The following ZCWPW2 variants were observed in gnomAD, a reference collection of about 807,000 sequenced individuals.
ZCWPW2 encodes the protein zinc finger CW-type and PWWP domain containing 2.
A neutral mutation model predicts 46.6 loss-of-function variants in ZCWPW2; 45 were observed. That is an observed-to-expected ratio of 0.96 (90% CI 0.76 to 1.24). The LOEUF (loss-of-function observed/expected upper bound fraction) is 1.24, where lower values mean the gene tolerates loss of function less well. ZCWPW2 is among the 50% of genes most tolerant of loss of function. The pLI, the probability that ZCWPW2 is intolerant of heterozygous loss-of-function variation, is 0.00. For missense variants in ZCWPW2, 429 were observed against 403.9 expected (o/e 1.06, Z -0.53); for synonymous variants, 152 against 137.1 (o/e 1.11, Z -0.76).
chr3:28,478,012 C>T (rs1243528315), intron 4 of ZCWPW2, among the ~76,000 whole-genome samples: 1 of 151,892 alleles, frequency 6.6e-6, no homozygotes, highest in African/African-American at 2.4e-5. Flanking sequence ...ATTAAATATG[C>T]ATTTAGAAAA....
intron 6 of ZCWPW2, among the ~76,000 whole-genome samples, chr3:28,507,155 C>T (rs1032147325): frequency 6.6e-6 from 1 of 152,110 alleles, no homozygotes; most frequent in African/African-American, 2.4e-5. Flanking sequence ...CACATTTTAT[C>T]AAAGGCTCAT....
intron 4 of ZCWPW2, among the ~76,000 whole-genome samples, chr3:28,452,109 A>G (rs1294201180): frequency 1.3e-5 from 2 of 152,352 alleles, no homozygotes; most frequent in African/African-American, 4.8e-5. Flanking sequence ...AAACTTTGGT[A>G]GTAATTTACA....
At chr3:28,503,683 A>C (rs756957562) in intron 6 of ZCWPW2, among the ~76,000 whole-genome samples, 2 of 151,888 alleles carry the variant, frequency 1.3e-5, no homozygotes, top group African/African-American at 4.8e-5. Flanking sequence ...GAAAAAATAC[A>C]ATGTCAGTGA....
chr3:28,372,571 C>T (rs1705371183), intron 1 of ZCWPW2, among the ~76,000 whole-genome samples: 1 of 152,128 alleles, frequency 6.6e-6, no homozygotes, highest in South Asian at 2.1e-4. Context: ...GTACATTCTG[C>T]TAGTATTTTT....
chr3:28,410,245 C>T (rs1344780286), intron 2 of ZCWPW2, among the ~76,000 whole-genome samples: 2 of 151,896 alleles, frequency 1.3e-5, no homozygotes, highest in Non-Finnish European at 2.9e-5. Context: ...ATTGACAAAT[C>T]CACAATTACT....
chr3:28,509,607 C>G (rs1700373322), intron 6 of ZCWPW2, among the ~76,000 whole-genome samples: 2 of 152,034 alleles, frequency 1.3e-5, no homozygotes, highest in Non-Finnish European at 2.9e-5. Flanking sequence ...TTTTTGTGTG[C>G]TTATTGGCTG....
intron 8 of ZCWPW2, 66 bp from the exon 9 acceptor site, chr3:28,520,926 A>AGG (rs1310815761): frequency 6.3e-7 from 1 of 1,576,310 alleles, no homozygotes; most frequent in Non-Finnish European, 8.6e-7. Flanking sequence ...TGGGTAGTTA[A>AGG]GATTATGAAT....
chr3:28,514,775 A>G (rs1700519080), intron 7 of ZCWPW2, among the ~76,000 whole-genome samples: 1 of 152,216 alleles, frequency 6.6e-6, no homozygotes, highest in Non-Finnish European at 1.5e-5. Flanking sequence ...ACAGGTTTTC[A>G]TAGTGAACAA....
At position 28,441,074 on chromosome 3, in the gene ZCWPW2, C is replaced by T. The variant is rs138121251; in HGVS notation, c.492+5805C>T. 8.2e-3 allele frequency among the ~76,000 whole-genome samples: 1,245 copies of T among 152,266 alleles called. 12 individuals carry two copies. Among genetic ancestry groups the T allele is most frequent in the Middle Eastern group, 0.027 (8 of 294 alleles). On this transcript the variant is annotated intron_variant, in intron 4 of 9. Transcript: ENST00000383768. The stretch of plus-strand genomic sequence containing the variant: ...ATAACCTCCATCCCTGCCACCATGG[C>T]CACTTTGTTCATGGGTCTATTGGGT...
At chr3:28,351,896 T>C (rs1188869774) in intron 1 of ZCWPW2, among the ~76,000 whole-genome samples, 1 of 152,144 alleles carries the variant, frequency 6.6e-6, no homozygotes, top group Non-Finnish European at 1.5e-5. Context: ...ATCGGTGTTG[T>C]TTCAGAAACT....
intron 6 of ZCWPW2, among the ~76,000 whole-genome samples, chr3:28,500,911 C>T (rs961364982): frequency 2.6e-5 from 4 of 152,152 alleles, no homozygotes; most frequent in Admixed American, 2.6e-4. Flanking sequence ...GAGTTGCAGT[C>T]AGGCTTCAAA....
intron 4 of ZCWPW2, among the ~76,000 whole-genome samples, chr3:28,439,821 A>G (rs920487615): frequency 1.3e-5 from 2 of 152,254 alleles, no homozygotes; most frequent in East Asian, 3.8e-4. Context: ...AAGTGTATAC[A>G]TGAACGAACA....
chr3:28,494,616 T>C (rs1699925325), intron 6 of ZCWPW2, among the ~76,000 whole-genome samples: 1 of 147,480 alleles, frequency 6.8e-6, no homozygotes, highest in Non-Finnish European at 1.5e-5. Flanking sequence ...GGTATTCAAT[T>C]AGGAAAAGAG....
At chr3:28,354,223 A>G (rs1559470212) in intron 1 of ZCWPW2, among the ~76,000 whole-genome samples, 2 of 152,120 alleles carry the variant, frequency 1.3e-5, no homozygotes, top group African/African-American at 4.8e-5. Context: ...AATATTATAA[A>G]CACCTTTAGG....
chr3:28,477,571 A>G (rs904686476), intron 4 of ZCWPW2, among the ~76,000 whole-genome samples: 1 of 152,234 alleles, frequency 6.6e-6, no homozygotes, highest in African/African-American at 2.4e-5. Flanking sequence ...TCAATAAATG[A>G]AAGTATTTAT....
At chr3:28,361,416 A>G (rs1328612523) in intron 1 of ZCWPW2, among the ~76,000 whole-genome samples, 3 of 152,180 alleles carry the variant, frequency 2.0e-5, no homozygotes, top group African/African-American at 7.2e-5. Context: ...AAATATAAGG[A>G]ATTAAACTAT....
At chr3:28,358,283 G>A (rs535604532) in intron 1 of ZCWPW2, among the ~76,000 whole-genome samples, 2 of 151,788 alleles carry the variant, frequency 1.3e-5, no homozygotes, top group Non-Finnish European at 1.5e-5. Flanking sequence ...TTTTTAAAAG[G>A]ACCTTCTTAA....
At position 28,348,965 on chromosome 3, in the gene ZCWPW2, T is replaced by A. The variant is rs865918334; in HGVS notation, c.-372T>A. 12 of 985,462 alleles carry A rather than the reference T, an allele frequency of 1.2e-5. No individual in the cohort carries two copies. The highest frequency in any genetic ancestry group is 1.4e-5 in the Non-Finnish European group (12 of 830,076). 61.0% of individuals were successfully genotyped at this position (985,462 alleles called of 1,614,324 possible). A position where few individuals can be genotyped will look rare whatever the true frequency, so the allele number is the denominator to read the frequency against. On this transcript the variant is annotated 5_prime_UTR_variant, in exon 1 of 10. Coordinates refer to ENST00000383768, the MANE Select transcript of ZCWPW2 (RefSeq NM_001040432.4). ...GCACTCCGGAAAGTGATTGGAAGTGTGGATGAGCTCTCAGCCGGAAAAGGG... is the reference window on the plus strand; with the variant it reads ...GCACTCCGGAAAGTGATTGGAAGTGAGGATGAGCTCTCAGCCGGAAAAGGG...
intron 1 of ZCWPW2, among the ~76,000 whole-genome samples, chr3:28,349,724 TA>T (rs1347146439): frequency 6.6e-6 from 1 of 152,078 alleles, no homozygotes; most frequent in Non-Finnish European, 1.5e-5. Context: ...ATTGGTTAAA[TA>T]AACAAATAAA....
Sources: gnomAD v4.1 joint callset for allele counts (sites outside exome capture counted in the v4.1 genomes callset) on GRCh38, gnomAD v4.1.1 for gene constraint, MANE v1.5 for transcripts, NCBI Gene and HGNC (gene_info 2026-07-23, HGNC 2026-07-21) for gene names.